Variants in ARHGEF10 observed in about 807,000 individuals in gnomAD.
ARHGEF10 encodes Rho guanine nucleotide exchange factor (GEF) 10.
ARHGEF10 carries 140 observed loss-of-function variants against 147.4 expected under a neutral mutation model. The observed-to-expected ratio is 0.95, with a 90% CI of 0.83 to 1.09. The LOEUF (loss-of-function observed/expected upper bound fraction) is 1.09. ARHGEF10 is among the 50% of genes least tolerant of loss of function. The pLI, the probability that ARHGEF10 is intolerant of heterozygous loss-of-function variation, is 0.00. For missense variants in ARHGEF10, 2,222 were observed against 1,752.7 expected (o/e 1.27, Z -4.78); for synonymous variants, 902 against 695.8 (o/e 1.30, Z -4.67).
intron 4 of ARHGEF10, among the ~76,000 whole-genome samples, chr8:1,863,826 C>T (rs1379183757): frequency 7.2e-5 from 11 of 151,926 alleles, no homozygotes; most frequent in African/African-American, 1.9e-4. Flanking sequence ...AATCGTCAGG[C>T]GGGTCGGACT....
At chr8:1,953,182 ATTCCTTTC>A (rs1815196568) in intron 28 of ARHGEF10, among the ~76,000 whole-genome samples, 1 of 148,736 alleles carries the variant, frequency 6.7e-6, no homozygotes, top group Non-Finnish European at 1.5e-5. Context: ...GATCTCCGTC[ATTCCTTTC>A]TGTATTTTAT....
chr8:1,924,625 G>A (rs1812548309), intron 21 of ARHGEF10, among the ~76,000 whole-genome samples: 1 of 152,220 alleles, frequency 6.6e-6, no homozygotes, highest in East Asian at 1.9e-4. Flanking sequence ...AAGCCGTCCT[G>A]ACTTTGTGCT....
At position 1,934,372 on chromosome 8, in the gene ARHGEF10, A is replaced by G. The variant is rs71499052; in HGVS notation, c.3222+430A>G. 8.2e-3 allele frequency among the ~76,000 whole-genome samples: 1,227 copies of G among 149,082 alleles called. 11 individuals are homozygous for G. The highest frequency in any genetic ancestry group is 0.014 in the Non-Finnish European group (920 of 67,086). ...CTGTCTCCAAAAAAAAAAAAAAAAA[A>G]GGAAAGGGAAAGAAAATTCCTTCTA... On this transcript the variant is annotated intron_variant, in intron 26 of 28. Coordinates refer to ENST00000349830, the MANE Select transcript of ARHGEF10 (RefSeq NM_014629.4).
chr8:1,933,515 A>T (rs1484222180), intron 25 of ARHGEF10, among the ~76,000 whole-genome samples: 1 of 116,766 alleles, frequency 8.6e-6, no homozygotes, highest in African/African-American at 3.3e-5. Context: ...AGGGTGAATG[A>T]GTGGTTTGTC....
intron 11 of ARHGEF10, among the ~76,000 whole-genome samples, chr8:1,890,645 G>T (rs1809447122): frequency 6.6e-6 from 1 of 151,392 alleles, no homozygotes; most frequent in South Asian, 2.1e-4. Flanking sequence ...AGTGAGGGTT[G>T]TGAGGAGACA....
intron 25 of ARHGEF10, among the ~76,000 whole-genome samples, chr8:1,930,347 C>T (rs1461140419): frequency 6.6e-6 from 1 of 152,154 alleles, no homozygotes; most frequent in African/African-American, 2.4e-5. Flanking sequence ...CCAGCTCACT[C>T]CCCCATCATC....
chr8:1,898,732 C>T (rs1018912241), intron 15 of ARHGEF10, among the ~76,000 whole-genome samples: 2 of 152,096 alleles, frequency 1.3e-5, no homozygotes, highest in African/African-American at 4.8e-5. Context: ...GGGCCCAGTG[C>T]CTGCGAGGCC....
chr8:1,931,522 CT>C (rs1311115915), intron 25 of ARHGEF10, among the ~76,000 whole-genome samples: 1 of 152,166 alleles, frequency 6.6e-6, no homozygotes, highest in Admixed American at 6.5e-5. Context: ...CTCTTCGCAT[CT>C]TTCTCACCAA....
At chr8:1,929,741 T>A (rs975887265) in intron 25 of ARHGEF10, among the ~76,000 whole-genome samples, 7 of 152,208 alleles carry the variant, frequency 4.6e-5, no homozygotes, top group Non-Finnish European at 2.9e-5. Flanking sequence ...CAGAGCCTCC[T>A]TCAGCATGTC....
intron 11 of ARHGEF10, among the ~76,000 whole-genome samples, chr8:1,886,612 C>T (rs186360091): frequency 6.2e-4 from 95 of 152,282 alleles, no homozygotes; most frequent in East Asian, 5.8e-3. Context: ...ACACGAGTGA[C>T]GGGATGGAGT....
chr8:1,947,747 C>T (rs1195778747), intron 27 of ARHGEF10, among the ~76,000 whole-genome samples: 2 of 149,186 alleles, frequency 1.3e-5, no homozygotes, highest in Non-Finnish European at 3.0e-5. Context: ...CCCGGCCCCC[C>T]GCACTGTCCC....
rs756210812 is a variant in ARHGEF10, at chr8:1,876,644, G to C, written c.753G>C (p.Ser251=). Residue 251 remains serine (S), a synonymous_variant, in exon 8 of 29, where the codon TCG becomes TCC. Transcript: ENST00000349830. ...GCTCCTTGGAATACGGATGGAGTTC[G>C]AGTGAATTTGAAAGTTACGAAGAGC... ...GNSSLEYGWS[S]SEFESYEEQS... 1.2e-6 allele frequency: 2 copies of C among 1,614,216 alleles called. No individual in the cohort carries two copies. The highest frequency in any genetic ancestry group is 3.3e-5 in the Admixed American group (2 of 60,024).
intron 1 of ARHGEF10, among the ~76,000 whole-genome samples, chr8:1,829,213 C>A (rs1174327808): frequency 2.0e-5 from 3 of 152,204 alleles, no homozygotes; most frequent in African/African-American, 7.2e-5. Flanking sequence ...CCAGGGAGCT[C>A]CAGAGTTAAT....
At chr8:1,839,271 G>A (rs1803792456) in intron 1 of ARHGEF10, among the ~76,000 whole-genome samples, 2 of 149,122 alleles carry the variant, frequency 1.3e-5, no homozygotes, top group African/African-American at 5.0e-5. Flanking sequence ...GTACTGTCTG[G>A]TGTGGAAGCT....
At position 1,894,485 on chromosome 8, in the gene ARHGEF10, G is replaced by A; in HGVS notation, c.1353G>A (p.Gln451=). Residue 451 remains glutamine (Q), a synonymous_variant, in exon 13 of 29, where the codon CAG becomes CAA. Coordinates refer to ENST00000349830, the MANE Select transcript of ARHGEF10 (RefSeq NM_014629.4). ...TVFYRVKEIL[Q]CHSLFQIALA... is the part of the protein sequence containing the mutation. ...TCTACCGAGTCAAAGAGATCCTGCA[G>A]TGCCACTCGCTATTTCAGATCGCGC... 2 of 1,614,230 alleles carry A rather than the reference G, an allele frequency of 1.2e-6. No homozygotes were observed. The highest frequency in any genetic ancestry group is 1.7e-6 in the Non-Finnish European group (2 of 1,180,046).
intron 8 of ARHGEF10, among the ~76,000 whole-genome samples, chr8:1,879,607 C>T (rs536159473): frequency 6.0e-4 from 91 of 151,352 alleles, no homozygotes; most frequent in African/African-American, 2.1e-3. Flanking sequence ...GGCTGGAGGG[C>T]AGTGGCACCA....
chr8:1,863,102 T>A (rs1806285639), intron 4 of ARHGEF10, among the ~76,000 whole-genome samples: 1 of 152,122 alleles, frequency 6.6e-6, no homozygotes, highest in Admixed American at 6.5e-5. Context: ...GGTGTTTCTT[T>A]GAGGCAGTGT....
rs938111132 is a variant in ARHGEF10, at chr8:1,948,832, A to T, written c.3397+3177A>T. ...TGTATTTAGACATTCCGGTGGGGGC[A>T]TGCTCATACCGTGCTGAAGTGCGCG... On this transcript the variant is annotated intron_variant, in intron 27 of 28. Coordinates refer to ENST00000349830, the MANE Select transcript of ARHGEF10 (RefSeq NM_014629.4). The surrounding 1 kb of genome is among the most constrained non-coding windows in gnomAD (Gnocchi z 4.9). Among the ~76,000 whole-genome samples the T allele has an allele frequency of 2.0e-5, 3 of 152,178 alleles. No homozygotes were observed. Among genetic ancestry groups the T allele is most frequent in the Non-Finnish European group, 2.9e-5 (2 of 68,038 alleles).
chr8:1,920,305 C>G (rs761460907), intron 18 of ARHGEF10, among the ~76,000 whole-genome samples: 1 of 152,132 alleles, frequency 6.6e-6, no homozygotes, highest in Non-Finnish European at 1.5e-5. Context: ...TAACATTGCA[C>G]TTATAATTTT....
Sources: gnomAD v4.1 joint callset for allele counts (sites outside exome capture counted in the v4.1 genomes callset) on GRCh38, gnomAD v4.1.1 for gene constraint, Gnocchi (gnomAD v3.1) non-coding constraint, MANE v1.5 for transcripts, NCBI Gene and HGNC (gene_info 2026-07-23, HGNC 2026-07-21) for gene names.